Variants in TC2N observed in about 807,000 individuals in gnomAD.
TC2N encodes tandem C2 domains nuclear protein.
In TC2N, 51 loss-of-function variants were observed where a neutral mutation model predicts 61.9. The observed-to-expected ratio is 0.82, with a 90% CI of 0.66 to 1.04. TC2N has a LOEUF of 1.04. Ranked by LOEUF, TC2N falls within the 50% of genes least tolerant of loss-of-function variation. The pLI is 0.00. For missense variants in TC2N, 556 were observed against 566.7 expected (o/e 0.98, Z 0.19); for synonymous variants, 204 against 192.6 (o/e 1.06, Z -0.49).
rs564204901 is a variant in TC2N at position 91,840,812 on chromosome 14, A to G, written c.-57+26450T>C. ...TTCTTTTTTCTTTCCCTCCCTCATCATCTTACCTGGATAACTGTTACCCAC... is the reference window on the plus strand; with the variant it reads ...TTCTTTTTTCTTTCCCTCCCTCATCGTCTTACCTGGATAACTGTTACCCAC... On this transcript the variant is annotated intron_variant, in intron 1 of 11. Coordinates refer to ENST00000435962, the MANE Select transcript of TC2N (RefSeq NM_001128596.3). Among the ~76,000 whole-genome samples the G allele has an allele frequency of 1.4e-4, 21 of 152,166 alleles. No individual in the cohort carries two copies. In the South Asian group the frequency reaches 4.4e-3, roughly 32 times the overall value.
intron 1 of TC2N, among the ~76,000 whole-genome samples, chr14:91,862,339 C>CAAAAAAAAAAAA (rs56816512): frequency 1.9e-5 from 2 of 106,442 alleles, no homozygotes; most frequent in African/African-American, 6.7e-5. Context: ...GACTCTGTCT[C>CAAAAAAAAAAAA]AAAAAAAAAA....
chr14:91,828,503 C>T (rs943448711), intron 1 of TC2N, among the ~76,000 whole-genome samples: 3 of 151,902 alleles, frequency 2.0e-5, no homozygotes, highest in African/African-American at 7.2e-5. Context: ...AATGCAACTA[C>T]AGTACCATCA....
At position 91,802,294 on chromosome 14, in the gene TC2N, G is replaced by A. The variant is rs566959473; in HGVS notation, c.429C>T (p.Arg143=). The change falls in exon 4 of 12, where the codon CGC becomes CGT. Residue 143 remains arginine (R), a synonymous_variant. Coordinates refer to ENST00000435962, the MANE Select transcript of TC2N (RefSeq NM_001128596.3). The part of the protein sequence containing the change: ...YQHISPDLSR[R]FPPRSEVKRL... ...TCTTCACTTCTGAACGGGGAGGAAA[G>A]CGTCGACTCAAATCAGGTGAAATGT... is the stretch of plus-strand genomic sequence containing the variant. 111 of 1,602,818 alleles carry A rather than the reference G, an allele frequency of 6.9e-5. No individual in the cohort carries two copies. In the South Asian group the frequency reaches 1.2e-3, roughly 17 times the overall value.
intron 1 of TC2N, among the ~76,000 whole-genome samples, chr14:91,865,409 T>C (rs1170191788): frequency 6.7e-6 from 1 of 150,286 alleles, no homozygotes; most frequent in Non-Finnish European, 1.5e-5. Flanking sequence ...ATCTTTTAGC[T>C]ATGTTCAGGG....
At chr14:91,805,573 G>A (rs1449856654) in intron 3 of TC2N, among the ~76,000 whole-genome samples, 1 of 152,098 alleles carries the variant, frequency 6.6e-6, no homozygotes, top group African/African-American at 2.4e-5. Flanking sequence ...GCTGAGGCAG[G>A]AGAATCGCTT....
In TC2N at chr14:91,800,342, C is replaced by A; in HGVS notation, c.500G>T (p.Gly167Val). The change falls in exon 5 of 12, where the codon GGT becomes GTT. Residue 167 changes from glycine to valine, a missense_variant. Physicochemically the swap from Gly to Val is moderately radical, Grantham distance 109. Coordinates refer to ENST00000435962, the MANE Select transcript of TC2N (RefSeq NM_001128596.3). The part of the protein sequence containing the change: ...VCDLRTNKLP[G>V]SPGLSKSMFD... ...CATAGATTTGCTTAGCCCAGGGGAA[C>A]CGGGAAGTTTGTTCGTCCTTAAATC... 1 of 1,603,772 alleles carries A rather than the reference C, an allele frequency of 6.2e-7. No homozygotes were observed. The highest frequency in any genetic ancestry group is 8.5e-7 in the Non-Finnish European group (1 of 1,174,526).
chr14:91,802,338 G>A lies in TC2N; in HGVS notation c.385C>T (p.Pro129Ser). Reference protein sequence around the residue: ...QHGPSYDVYNPFYMYQHISPD... With the variant: ...QHGPSYDVYNSFYMYQHISPD... ...GAAATGTGCTGATACATATAGAATG[G>A]GTTATACACATCATAGCTAGGTCCG... The change falls in exon 4 of 12, where the codon CCA becomes TCA. Residue 129 changes from proline (P) to serine (S), a missense_variant. Coordinates refer to ENST00000435962, the MANE Select transcript of TC2N (RefSeq NM_001128596.3). The A allele has an allele frequency of 6.2e-7, 1 of 1,611,892 alleles. No homozygotes were observed. The highest frequency in any genetic ancestry group is 8.5e-7 in the Non-Finnish European group (1 of 1,179,330).
chr14:91,804,997 GGTTAATAATCAT>G (rs1886440514), intron 3 of TC2N, among the ~76,000 whole-genome samples: 1 of 152,114 alleles, frequency 6.6e-6, no homozygotes, highest in Non-Finnish European at 1.5e-5. Flanking sequence ...TTCCTTTCAA[GGTTAATAATCAT>G]GTTGGGAATA....
intron 1 of TC2N, among the ~76,000 whole-genome samples, chr14:91,844,233 C>T (rs764576536): frequency 1.3e-5 from 2 of 152,086 alleles, no homozygotes; most frequent in Admixed American, 6.6e-5. Context: ...AACAATTTGG[C>T]GTTTCCTACA....
At chr14:91,818,722 C>T (rs918180908) in intron 1 of TC2N, among the ~76,000 whole-genome samples, 3 of 151,974 alleles carry the variant, frequency 2.0e-5, no homozygotes, top group Admixed American at 2.0e-4. Context: ...GAGATGAAAA[C>T]TATAATGTCT....
rs150234377 is a variant in TC2N at position 91,798,922 on chromosome 14, T to C, written c.637+67A>G. 2.3e-3 allele frequency: 2,423 copies of C among 1,057,820 alleles called. 31 individuals carry two copies. In the African/African-American group the frequency reaches 0.031, roughly 14 times the overall value. 65.5% of individuals were successfully genotyped at this position (1,057,820 alleles called of 1,614,324 possible). On this transcript the variant is annotated intron_variant, in intron 6 of 11. Transcript: ENST00000435962. ...CTAGAGTTTTTCACCTTATATACACTTTCAAGTTACTACTGAGTAGAAATA... is the reference window on the plus strand; with the variant it reads ...CTAGAGTTTTTCACCTTATATACACCTTCAAGTTACTACTGAGTAGAAATA...
At chr14:91,823,244 G>C (rs1051149605) in intron 1 of TC2N, among the ~76,000 whole-genome samples, 5 of 152,040 alleles carry the variant, frequency 3.3e-5, no homozygotes, top group Admixed American at 2.6e-4. Flanking sequence ...TCAGGGGCCA[G>C]GCATGGTGGC....
chr14:91,867,262 C>T lies in TC2N; in HGVS notation c.-57G>A, dbSNP rs1353854264. The stretch of plus-strand genomic sequence containing the variant: ...TTTTGAGAAGTTCATGGAGACTTAC[C>T]CCTGTGTTCTGTTGAGCCCAGAGGC... On this transcript the variant is annotated splice_region_variant and 5_prime_UTR_variant, in exon 1 of 12. Coordinates refer to ENST00000435962, the MANE Select transcript of TC2N (RefSeq NM_001128596.3). 1.3e-5 allele frequency: 2 copies of T among 152,066 alleles called. No individual in the cohort carries two copies. Among genetic ancestry groups the T allele is most frequent in the African/African-American group, 4.8e-5 (2 of 41,374 alleles). 9.4% of individuals were successfully genotyped at this position (152,066 alleles called of 1,614,324 possible). A position where few individuals can be genotyped will look rare whatever the true frequency, so the allele number is the denominator to read the frequency against.
In TC2N at chr14:91,836,019, G is replaced by T. The variant is rs547361868; in HGVS notation, c.-56-22194C>A. ...TAGCCTCGCCCCGTCGCCCACCCCT[G>T]GTGCCCTCCAGACCACCGCGCTTCC... On this transcript the variant is annotated intron_variant, in intron 1 of 11. Transcript: ENST00000435962. Among the ~76,000 whole-genome samples, 9 of 152,196 alleles carry T rather than the reference G, an allele frequency of 5.9e-5. No individual in the cohort carries two copies. In the South Asian group the frequency reaches 1.7e-3, roughly 28 times the overall value.
At chr14:91,814,399 G>A (rs1378216785) in intron 1 of TC2N, among the ~76,000 whole-genome samples, 2 of 150,450 alleles carry the variant, frequency 1.3e-5, no homozygotes. Context: ...AATAGAGAGT[G>A]GAGACTAGAC....
At position 91,817,958 on chromosome 14, in the gene TC2N, C is replaced by T. The variant is rs1196789544; in HGVS notation, c.-56-4133G>A. On this transcript the variant is annotated intron_variant, in intron 1 of 11. Coordinates refer to ENST00000435962, the MANE Select transcript of TC2N (RefSeq NM_001128596.3). ...TAACAGAGACAGATTTATCCTACCA[C>T]CTGAAAAGCAAATAAAATATATGGA... Among the ~76,000 whole-genome samples, 3 of 152,080 alleles carry T rather than the reference C, an allele frequency of 2.0e-5. No individual in the cohort carries two copies. The East Asian group carries it at 5.8e-4, about 29-fold the overall frequency.
chr14:91,817,624 T>C (rs1887063730), intron 1 of TC2N, among the ~76,000 whole-genome samples: 1 of 152,014 alleles, frequency 6.6e-6, no homozygotes, highest in African/African-American at 2.4e-5. Flanking sequence ...CTATCTCCCA[T>C]AAAAACTAAG....
intron 1 of TC2N, among the ~76,000 whole-genome samples, chr14:91,865,715 CAT>C (rs1383241317): frequency 5.9e-5 from 9 of 152,046 alleles, no homozygotes; most frequent in Admixed American, 3.9e-4. Context: ...ATTTCAAACA[CAT>C]GTCTATAAAT....
Position 91,818,549 on chromosome 14 carries a change from T to C in TC2N, c.-56-4724A>G, listed in dbSNP as rs897216077. Among the ~76,000 whole-genome samples the C allele has an allele frequency of 5.3e-5, 8 of 151,124 alleles. No homozygotes were observed. The South Asian group carries it at 6.3e-4, about 12-fold the overall frequency. ...GTATACAAGGAAGCAAAAAAATATA[T>C]AGAACCCATAATGAAGAGGAAAAAA... On this transcript the variant is annotated intron_variant, in intron 1 of 11. Coordinates refer to ENST00000435962, the MANE Select transcript of TC2N (RefSeq NM_001128596.3).
Sources: gnomAD v4.1 joint callset for allele counts (sites outside exome capture counted in the v4.1 genomes callset) on GRCh38, gnomAD v4.1.1 for gene constraint, MANE v1.5 for transcripts, NCBI Gene and HGNC (gene_info 2026-07-23, HGNC 2026-07-21) for gene names.